TBC1D19: variants seen among roughly 807,000 people sequenced by gnomAD.
The protein encoded by TBC1D19 is TBC1 domain family member 19.
TBC1D19 carries 60 observed loss-of-function variants against 89.0 expected under a neutral mutation model. The ratio of observed to expected loss-of-function variants is 0.67; its 90% CI spans 0.55 to 0.84. The LOEUF is 0.84. Among genes scored for constraint, TBC1D19 ranks in the 40% least tolerant of loss-of-function variants. The pLI is 0.00. For synonymous variants in TBC1D19, 189 were observed against 199.7 expected, an observed-to-expected ratio of 0.95 and a Z score of 0.45; for missense variants, 500 against 610.8, an observed-to-expected ratio of 0.82 and a Z score of 1.91.
At chr4:26,855,533 G>A in the TBC1D19 span, among the ~76,000 whole-genome samples, 18 of 152,248 alleles carry the variant, frequency 1.2e-4, no homozygotes, top group Non-Finnish European at 2.1e-4. Context: ...AAGGGTTTTC[G>A]TTTCAGATGG....
chr4:26,714,179 C>T (rs1716400504), intron 13 of TBC1D19, among the ~76,000 whole-genome samples: 1 of 152,064 alleles, frequency 6.6e-6, no homozygotes, highest in Non-Finnish European at 1.5e-5. Context: ...GACCCTGTCT[C>T]TACCAAAAAA....
intron 13 of TBC1D19, among the ~76,000 whole-genome samples, chr4:26,703,309 G>T (rs571605155): frequency 1.3e-4 from 20 of 152,150 alleles, no homozygotes; most frequent in Middle Eastern, 3.4e-3. Context: ...TAATAAAAAC[G>T]TATGTAATTG....
At chr4:26,647,043 T>C (rs1744019706) in intron 7 of TBC1D19, among the ~76,000 whole-genome samples, 1 of 152,198 alleles carries the variant, frequency 6.6e-6, no homozygotes, top group African/African-American at 2.4e-5. Context: ...CCTGTTCTAG[T>C]AGTCCAGAAG....
At chr4:26,717,009 T>A (rs985760171) in intron 13 of TBC1D19, among the ~76,000 whole-genome samples, 1 of 152,072 alleles carries the variant, frequency 6.6e-6, no homozygotes, top group South Asian at 2.1e-4. Flanking sequence ...TAAAATATAA[T>A]GAAAACAAAG....
chr4:26,711,852 AG>A (rs1343281898), intron 13 of TBC1D19, among the ~76,000 whole-genome samples: 3 of 152,238 alleles, frequency 2.0e-5, no homozygotes, highest in African/African-American at 7.2e-5. Context: ...AAAACAACTC[AG>A]GTTAGAATAA....
intron 7 of TBC1D19, among the ~76,000 whole-genome samples, chr4:26,643,940 C>G (rs1244890868): frequency 1.3e-5 from 2 of 151,946 alleles, no homozygotes; most frequent in Admixed American, 1.3e-4. Flanking sequence ...TAATAGCCTC[C>G]CAACCAAAAG....
chr4:26,730,426 C>T (rs1208707594), intron 15 of TBC1D19, among the ~76,000 whole-genome samples: 2 of 152,094 alleles, frequency 1.3e-5, no homozygotes, highest in African/African-American at 2.4e-5. Flanking sequence ...AATATTTAAT[C>T]CTCACCACCT....
chr4:26,857,798 G>A, the TBC1D19 span: 6 of 152,402 alleles, frequency 3.9e-5, no homozygotes, highest in African/African-American at 7.2e-5. Context: ...GGGGAGAAGA[G>A]GGAGATAGGG....
chr4:26,832,197 G>A, the TBC1D19 span, among the ~76,000 whole-genome samples: 1 of 152,142 alleles, frequency 6.6e-6, no homozygotes. Context: ...GTCTTTTCAT[G>A]CAACTCAAGG....
chr4:26,728,709 A>T (rs1717469132), intron 15 of TBC1D19, among the ~76,000 whole-genome samples: 2 of 152,128 alleles, frequency 1.3e-5, no homozygotes, highest in African/African-American at 4.8e-5. Flanking sequence ...AGGGCCTTTA[A>T]GTTGTTAAAG....
At chr4:26,781,289 C>G in the TBC1D19 span, among the ~76,000 whole-genome samples, 3 of 152,162 alleles carry the variant, frequency 2.0e-5, no homozygotes, top group Admixed American at 2.0e-4. Flanking sequence ...AATTGGGGTT[C>G]TCTAGAGGTA....
At chr4:26,736,830 T>G (rs1209927217) in intron 16 of TBC1D19, among the ~76,000 whole-genome samples, 1 of 152,206 alleles carries the variant, frequency 6.6e-6, no homozygotes, top group Non-Finnish European at 1.5e-5. Context: ...GTGATGCATA[T>G]GCAGGCTTGA....
the TBC1D19 span, among the ~76,000 whole-genome samples, chr4:26,785,305 T>C: frequency 6.6e-6 from 1 of 152,200 alleles, no homozygotes; most frequent in Admixed American, 6.5e-5. Context: ...AATTAAACTT[T>C]TAAAAAATTA....
At chr4:26,782,059 G>A in the TBC1D19 span, among the ~76,000 whole-genome samples, 1 of 152,220 alleles carries the variant, frequency 6.6e-6, no homozygotes, top group East Asian at 1.9e-4. Flanking sequence ...TTTCTTTGTG[G>A]CTTTTCTTCC....
chr4:26,693,137 A>C (rs1383354640), intron 13 of TBC1D19, among the ~76,000 whole-genome samples: 1 of 151,966 alleles, frequency 6.6e-6, no homozygotes, highest in Non-Finnish European at 1.5e-5. Context: ...AAAAAAAAAA[A>C]AAACCCTGCT....
chr4:26,819,196 A>G, the TBC1D19 span, among the ~76,000 whole-genome samples: 1 of 152,220 alleles, frequency 6.6e-6, no homozygotes, highest in South Asian at 2.1e-4. Flanking sequence ...GTTTGTGAGC[A>G]GCTTGCTTTC....
chr4:26,847,754 C>T, the TBC1D19 span, among the ~76,000 whole-genome samples: 1 of 152,148 alleles, frequency 6.6e-6, no homozygotes, highest in Admixed American at 6.5e-5. Context: ...ATCGCAATAA[C>T]CCAGGCAAGA....
At chr4:26,839,973 G>A in the TBC1D19 span, among the ~76,000 whole-genome samples, 1 of 152,280 alleles carries the variant, frequency 6.6e-6, no homozygotes, top group East Asian at 1.9e-4. Context: ...TTTGGTCATG[G>A]AGGAATGTGG....
At chr4:26,802,578 G>A in the TBC1D19 span, among the ~76,000 whole-genome samples, 1 of 152,168 alleles carries the variant, frequency 6.6e-6, no homozygotes, top group East Asian at 1.9e-4. Context: ...CTCCAGCCTG[G>A]GCAACAGAGC....
Sources: gnomAD v4.1 joint callset for allele counts (sites outside exome capture counted in the v4.1 genomes callset) on GRCh38, gnomAD v4.1.1 for gene constraint, MANE v1.5 for transcripts, NCBI Gene and HGNC (gene_info 2026-07-23, HGNC 2026-07-21) for gene names.